GRID2: variants seen among roughly 807,000 people sequenced by gnomAD.
GRID2 encodes the protein glutamate ionotropic receptor delta type subunit 2, also known as glutamate receptor ionotropic, delta-2.
A neutral mutation model predicts 114.8 loss-of-function variants in GRID2; 33 were observed. The ratio of observed to expected loss-of-function variants is 0.29; its 90% CI spans 0.22 to 0.38. The LOEUF is 0.38. Ranked by LOEUF, GRID2 falls within the 10% of genes least tolerant of loss-of-function variation. The pLI, the probability that GRID2 is intolerant of heterozygous loss-of-function variation, is 1.00. For missense variants in GRID2, 1,184 were observed against 1,257.7 expected, an observed-to-expected ratio of 0.94 and a Z score of 0.89; for synonymous variants, 505 against 449.9, an observed-to-expected ratio of 1.12 and a Z score of -1.55.
At chr4:92,749,522 C>T (rs1187654563) in intron 2 of GRID2, among the ~76,000 whole-genome samples, 3 of 151,952 alleles carry the variant, frequency 2.0e-5, no homozygotes, top group Admixed American at 6.6e-5. Flanking sequence ...ACTATGTTGG[C>T]CAAGATGGTC....
At chr4:92,660,894 A>T (rs753501399) in intron 2 of GRID2, among the ~76,000 whole-genome samples, 3 of 151,154 alleles carry the variant, frequency 2.0e-5, no homozygotes, top group Non-Finnish European at 4.5e-5. Flanking sequence ...AGATAAACCT[A>T]TGCCTTCAAG....
intron 2 of GRID2, among the ~76,000 whole-genome samples, chr4:92,821,406 A>G (rs919998774): frequency 2.0e-5 from 3 of 152,272 alleles, no homozygotes; most frequent in East Asian, 3.9e-4. Context: ...AAATGTTTCT[A>G]TTGATAATCA....
intron 8 of GRID2, among the ~76,000 whole-genome samples, chr4:93,362,871 C>T (rs1762004241): frequency 6.6e-6 from 1 of 152,070 alleles, no homozygotes; most frequent in African/African-American, 2.4e-5. Flanking sequence ...CATGCAAGCT[C>T]TATACTCATG....
intron 1 of GRID2, among the ~76,000 whole-genome samples, chr4:92,350,037 C>T (rs1171656883): frequency 6.6e-6 from 1 of 151,804 alleles, no homozygotes; most frequent in Non-Finnish European, 1.5e-5. Flanking sequence ...TATTACAATC[C>T]ATTCTAATTT....
intron 14 of GRID2, among the ~76,000 whole-genome samples, chr4:93,727,033 G>A (rs1729978191): frequency 6.6e-6 from 1 of 152,188 alleles, no homozygotes; most frequent in Non-Finnish European, 1.5e-5. Context: ...TTGAATAGGA[G>A]TGGCGAGAGA....
At chr4:92,549,872 T>C (rs559846636) in intron 1 of GRID2, among the ~76,000 whole-genome samples, 1 of 152,280 alleles carries the variant, frequency 6.6e-6, no homozygotes, top group South Asian at 2.1e-4. Flanking sequence ...ACTAATGTAA[T>C]CTAGTAACTC....
intron 2 of GRID2, among the ~76,000 whole-genome samples, chr4:92,778,765 A>C (rs1422867142): frequency 6.6e-6 from 1 of 152,124 alleles, no homozygotes; most frequent in Admixed American, 6.6e-5. Context: ...TTATGGTCAG[A>C]AAATATTTAC....
At chr4:93,175,713 C>G (rs1045420807) in intron 4 of GRID2, among the ~76,000 whole-genome samples, 13 of 152,066 alleles carry the variant, frequency 8.5e-5, no homozygotes, top group African/African-American at 3.1e-4. Context: ...AAGAAGAATT[C>G]GAAATTGTAG....
chr4:92,861,663 A>G (rs1262499630), intron 2 of GRID2, among the ~76,000 whole-genome samples: 5 of 151,982 alleles, frequency 3.3e-5, no homozygotes, highest in African/African-American at 1.2e-4. Context: ...CATTTCTGAC[A>G]CCTAACCCTT....
At chr4:93,058,997 C>T (rs1298719614) in intron 2 of GRID2, among the ~76,000 whole-genome samples, 1 of 152,000 alleles carries the variant, frequency 6.6e-6, no homozygotes, top group Non-Finnish European at 1.5e-5. Flanking sequence ...TTGCATTGCA[C>T]TTGATCACAT....
At chr4:93,784,444 T>A (rs1030629360) in intron 1 of GRID2, among the ~76,000 whole-genome samples, 2 of 152,010 alleles carry the variant, frequency 1.3e-5, no homozygotes, top group African/African-American at 4.8e-5. Context: ...GGAGGAAGGA[T>A]TTTGACAATT....
chr4:93,802,173 A>G (rs1578802603), intron 1 of GRID2, among the ~76,000 whole-genome samples: 1 of 152,374 alleles, frequency 6.6e-6, no homozygotes, highest in South Asian at 2.1e-4. Context: ...CAAAAGAAAA[A>G]AGAAACTCAA....
At chr4:92,667,138 A>AAAGCCTTCCCCTAGAAGATAC (rs1408207166) in intron 2 of GRID2, among the ~76,000 whole-genome samples, 11 of 151,654 alleles carry the variant, frequency 7.3e-5, no homozygotes, top group Admixed American at 5.9e-4. Flanking sequence ...GTTTACCACT[A>AAAGCCTTCCCCTAGAAGATAC]AAGCCTTCCC....
chr4:92,506,220 A>C (rs1723964834), intron 1 of GRID2, among the ~76,000 whole-genome samples: 1 of 151,996 alleles, frequency 6.6e-6, no homozygotes, highest in African/African-American at 2.4e-5. Flanking sequence ...AACTGTAGGC[A>C]ACCAGCTTGA....
intron 2 of GRID2, among the ~76,000 whole-genome samples, chr4:92,684,918 A>G (rs757581718): frequency 6.6e-6 from 1 of 152,030 alleles, no homozygotes; most frequent in Non-Finnish European, 1.5e-5. Context: ...GTCTTGCAGT[A>G]TTTTATTTAG....
chr4:93,681,846 T>G (rs905070038), intron 14 of GRID2, among the ~76,000 whole-genome samples: 5 of 151,858 alleles, frequency 3.3e-5, no homozygotes, highest in Admixed American at 1.3e-4. Context: ...AACCTAGGCA[T>G]TACCATTCAG....
At chr4:93,611,561 T>A (rs1433646061) in intron 13 of GRID2, among the ~76,000 whole-genome samples, 17 of 142,458 alleles carry the variant, frequency 1.2e-4, no homozygotes, top group Non-Finnish European at 4.5e-5. Context: ...TCTGCCTTCA[T>A]TTCATTATGT....
intron 8 of GRID2, among the ~76,000 whole-genome samples, chr4:93,384,939 G>A (rs1764180504): frequency 2.6e-5 from 4 of 152,152 alleles, no homozygotes; most frequent in Admixed American, 2.6e-4. Context: ...AGGAAAAAAT[G>A]ACTCTTTTTG....
intron 2 of GRID2, among the ~76,000 whole-genome samples, chr4:93,027,369 C>T (rs759489257): frequency 4.6e-5 from 7 of 151,946 alleles, no homozygotes; most frequent in African/African-American, 7.2e-5. Context: ...AAAATTGAGG[C>T]GGGACAGTAC....
Sources: allele counts gnomAD v4.1 joint callset (sites outside exome capture counted in the v4.1 genomes callset), GRCh38; gene constraint gnomAD v4.1.1; transcripts MANE v1.5; gene names NCBI Gene and HGNC (gene_info 2026-07-23, HGNC 2026-07-21).